ARGFX: variants seen among roughly 807,000 people sequenced by gnomAD.
The protein encoded by ARGFX is arginine-fifty homeobox.
Under a neutral mutation model 8.0 loss-of-function variants are expected in ARGFX, and 10 were observed. The ratio of observed to expected loss-of-function variants is 1.25; its 90% CI spans 0.77 to 2.12. The LOEUF (loss-of-function observed/expected upper bound fraction) is 2.12, where lower values mean the gene tolerates loss of function less well. Among genes scored for constraint, ARGFX ranks in the 30% most tolerant of loss-of-function variants. ARGFX has a pLI of 0.00. For synonymous variants in ARGFX, 116 were observed against 117.8 expected (o/e 0.98, Z 0.10); for missense variants, 282 against 324.3 (o/e 0.87, Z 1.00).
intron 3 of ARGFX, among the ~76,000 whole-genome samples, chr3:121,582,065 T>A (rs1192888583): frequency 6.6e-6 from 1 of 152,184 alleles, no homozygotes; most frequent in African/African-American, 2.4e-5. Context: ...TACATATTGC[T>A]TTTCCAAATA....
chr3:121,577,500 C>T lies in ARGFX; in HGVS notation c.220+600C>T, dbSNP rs148707046. Among the ~76,000 whole-genome samples, 1,438 of 151,432 alleles carry T rather than the reference C, an allele frequency of 9.5e-3. 21 individuals carry two copies. The highest frequency in any genetic ancestry group is 0.033 in the African/African-American group (1,360 of 41,260). The stretch of plus-strand genomic sequence containing the variant: ...AACTCGTGACCTCAAGTGATCCGCC[C>T]GCCTGCCTTGGCCTCCCAAAGTGCT... On this transcript the variant is annotated intron_variant, in intron 3 of 4. Coordinates refer to ENST00000334384, the MANE Select transcript of ARGFX (RefSeq NM_001012659.2).
At chr3:121,573,035 T>G (rs1288630309) in intron 2 of ARGFX, among the ~76,000 whole-genome samples, 1 of 152,098 alleles carries the variant, frequency 6.6e-6, no homozygotes, top group African/African-American at 2.4e-5. Flanking sequence ...ACTGCAAAGC[T>G]CATAGAAAAA....
intron 3 of ARGFX, among the ~76,000 whole-genome samples, chr3:121,577,191 ATGTG>A (rs1403812018): frequency 8.8e-6 from 1 of 113,868 alleles, no homozygotes; most frequent in Non-Finnish European, 1.8e-5. Flanking sequence ...GTATATATGT[ATGTG>A]TGTATGTATA....
intron 3 of ARGFX, among the ~76,000 whole-genome samples, chr3:121,580,270 G>A (rs2048770320): frequency 6.6e-6 from 1 of 151,596 alleles, no homozygotes; most frequent in African/African-American, 2.4e-5. Flanking sequence ...AGCCTACCGA[G>A]TAGCTGGGAT....
intron 1 of ARGFX, among the ~76,000 whole-genome samples, 164 bp downstream of exon 1, chr3:121,568,177 G>A (rs2048684682): frequency 2.0e-5 from 3 of 152,144 alleles, no homozygotes; most frequent in African/African-American, 7.2e-5. Flanking sequence ...AGGTCAGAAA[G>A]ACTGACTGTT....
At chr3:121,570,845 C>G (rs2048704311) in intron 2 of ARGFX, 29 bp downstream of exon 2, 1 of 1,468,330 alleles carries the variant, frequency 6.8e-7, no homozygotes, top group Middle Eastern at 1.8e-4. Flanking sequence ...TGTCCTCTTT[C>G]CTTTTCTACT....
chr3:121,579,153 C>T (rs1444847120), intron 3 of ARGFX, among the ~76,000 whole-genome samples: 7 of 152,124 alleles, frequency 4.6e-5, no homozygotes, highest in Non-Finnish European at 8.8e-5. Flanking sequence ...GGAAGAAATG[C>T]GCCCCACATG....
intron 3 of ARGFX, among the ~76,000 whole-genome samples, chr3:121,580,606 ATTTT>A (rs57666199): frequency 3.9e-4 from 45 of 115,216 alleles, no homozygotes; most frequent in African/African-American, 1.2e-3. Flanking sequence ...ATATATATAT[ATTTT>A]TTTTTTTTTT....
chr3:121,568,996 C>A (rs939277525), intron 1 of ARGFX, among the ~76,000 whole-genome samples: 1 of 152,076 alleles, frequency 6.6e-6, no homozygotes, highest in Non-Finnish European at 1.5e-5. Context: ...AGATATTTAC[C>A]ATATTCAAAG....
At chr3:121,585,978 C>T in intron 4 of ARGFX, 44 bp from the exon 5 acceptor site, 1 of 1,518,244 alleles carries the variant, frequency 6.6e-7, no homozygotes, top group East Asian at 2.3e-5. Flanking sequence ...CCAATGCCTC[C>T]TCCAATAACA....
chr3:121,568,973 A>C (rs145954664), intron 1 of ARGFX, among the ~76,000 whole-genome samples: 1 of 152,348 alleles, frequency 6.6e-6, no homozygotes, highest in East Asian at 1.9e-4. Flanking sequence ...TTTTGTTTCT[A>C]TAGGATATAC....
At chr3:121,570,025 G>A (rs2048697861) in intron 1 of ARGFX, among the ~76,000 whole-genome samples, 1 of 152,192 alleles carries the variant, frequency 6.6e-6, no homozygotes, top group South Asian at 2.1e-4. Context: ...AAACAACATG[G>A]TAATTTTTGC....
rs201081301 is a variant in ARGFX, at chr3:121,581,033, T to C, written c.221-3884T>C. On this transcript the variant is annotated intron_variant, in intron 3 of 4. Transcript: ENST00000334384. Reference sequence around the variant, plus strand: ...CTCGCTCTGTTGCCCAGGAGTGCAATGGCATGATCTCAGCTCACTGCAACC... The same window carrying C: ...CTCGCTCTGTTGCCCAGGAGTGCAACGGCATGATCTCAGCTCACTGCAACC... Among the ~76,000 whole-genome samples the C allele has an allele frequency of 7.2e-5, 11 of 152,124 alleles. No individual in the cohort carries two copies. In the East Asian group the frequency reaches 1.7e-3, roughly 24 times the overall value.
intron 2 of ARGFX, among the ~76,000 whole-genome samples, chr3:121,576,277 C>T (rs2048735633): frequency 6.6e-6 from 1 of 152,062 alleles, no homozygotes; most frequent in Admixed American, 6.6e-5. Context: ...TATGTGTTCC[C>T]TGAGATTATG....
intron 3 of ARGFX, among the ~76,000 whole-genome samples, chr3:121,577,579 C>T (rs1262875651): frequency 6.6e-6 from 1 of 151,400 alleles, no homozygotes; most frequent in Non-Finnish European, 1.5e-5. Flanking sequence ...TTTTACATGT[C>T]ACATTACCCT....
At position 121,590,438 on chromosome 3, in the gene ARGFX, C is replaced by T; in HGVS notation, c.*3838C>T. Among the ~76,000 whole-genome samples, 1 of 152,022 alleles carries T rather than the reference C, an allele frequency of 6.6e-6. No individual in the cohort carries two copies. The highest frequency in any genetic ancestry group is 1.5e-5 in the Non-Finnish European group (1 of 68,014). Reference sequence around the variant, plus strand: ...AGGATGAGTTCGGCCTTCTTCTTCCCCAAAATCTTTATCCCCACCCCCACC... The same window carrying T: ...AGGATGAGTTCGGCCTTCTTCTTCCTCAAAATCTTTATCCCCACCCCCACC... On this transcript the variant is annotated 3_prime_UTR_variant, in exon 5 of 5. Transcript: ENST00000334384.
intron 2 of ARGFX, among the ~76,000 whole-genome samples, chr3:121,572,499 G>T (rs2048715261): frequency 6.6e-6 from 1 of 151,906 alleles, no homozygotes; most frequent in Non-Finnish European, 1.5e-5. Flanking sequence ...ACGCGCCTCG[G>T]CCTTCCAAAG....
At chr3:121,581,051 C>T (rs1357226335) in intron 3 of ARGFX, among the ~76,000 whole-genome samples, 1 of 152,142 alleles carries the variant, frequency 6.6e-6, no homozygotes, top group East Asian at 1.9e-4. Context: ...TCTCAGCTCA[C>T]TGCAACCTCT....
rs142123906 is a variant in ARGFX, at chr3:121,586,129, C to G, written c.477C>G (p.Pro159=). 1.9e-6 allele frequency: 3 copies of G among 1,613,624 alleles called. No homozygotes were observed. Among genetic ancestry groups the G allele is most frequent in the Admixed American group, 3.3e-5 (2 of 59,886 alleles). The change falls in exon 5 of 5, where the codon CCC becomes CCG. Residue 159 remains proline, a synonymous_variant. Transcript: ENST00000334384. The part of the protein sequence containing the change: ...LPSKKNVPTS[P]RTSPSPYAFS... ...CCAAGAAGAATGTGCCCACCTCCCCCAGAACATCCCCCAGTCCTTATGCTT... is the reference window on the plus strand; with the variant it reads ...CCAAGAAGAATGTGCCCACCTCCCCGAGAACATCCCCCAGTCCTTATGCTT...
Sources: gnomAD v4.1 joint callset for allele counts (sites outside exome capture counted in the v4.1 genomes callset) on GRCh38, gnomAD v4.1.1 for gene constraint, MANE v1.5 for transcripts, NCBI Gene and HGNC (gene_info 2026-07-23, HGNC 2026-07-21) for gene names.